The following MRPS31 variants were observed in gnomAD, a reference collection of about 807,000 sequenced individuals.
The protein encoded by MRPS31 is small ribosomal subunit protein mS31.
A neutral mutation model predicts 43.1 loss-of-function variants in MRPS31; 32 were observed. That is an observed-to-expected ratio of 0.74 (90% CI 0.56 to 1.00). MRPS31 has a LOEUF of 1.00. Among genes scored for constraint, MRPS31 ranks in the 50% least tolerant of loss-of-function variants. The pLI is 0.00. For missense variants in MRPS31, 437 were observed against 466.7 expected, an observed-to-expected ratio of 0.94 and a Z score of 0.59; for synonymous variants, 165 against 161.6, an observed-to-expected ratio of 1.02 and a Z score of -0.16.
chr13:40,752,628 CT>C (rs1347785736), intron 5 of MRPS31, among the ~76,000 whole-genome samples: 1 of 152,082 alleles, frequency 6.6e-6, no homozygotes, highest in African/African-American at 2.4e-5. Context: ...GATATAGCCC[CT>C]AATAGTCTAT....
intron 6 of MRPS31, among the ~76,000 whole-genome samples, chr13:40,745,561 T>G (rs891034748): frequency 4.6e-5 from 7 of 152,210 alleles, no homozygotes; most frequent in African/African-American, 1.7e-4. Flanking sequence ...CAAGAATTTT[T>G]AATATGTATT....
chr13:40,763,197 AC>A (rs1880750728), intron 2 of MRPS31, among the ~76,000 whole-genome samples: 1 of 152,168 alleles, frequency 6.6e-6, no homozygotes, highest in Non-Finnish European at 1.5e-5. Context: ...ACTACAGGTG[AC>A]ACCTGGCCCA....
intron 6 of MRPS31, among the ~76,000 whole-genome samples, chr13:40,735,308 C>G (rs896115581): frequency 1.3e-5 from 2 of 152,216 alleles, no homozygotes; most frequent in Admixed American, 1.3e-4. Context: ...TGATTGCTAG[C>G]ACAGCAGTCT....
intron 6 of MRPS31, among the ~76,000 whole-genome samples, chr13:40,746,047 G>C (rs575179647): frequency 6.6e-6 from 1 of 152,176 alleles, no homozygotes; most frequent in African/African-American, 2.4e-5. Context: ...GCATTAAGTG[G>C]CAAAACAACA....
chr13:40,730,472 C>A (rs866216974), intron 6 of MRPS31, among the ~76,000 whole-genome samples: 163 of 152,248 alleles, frequency 1.1e-3, no homozygotes, highest in South Asian at 1.2e-3. Flanking sequence ...TTGTAGGGAG[C>A]CAAGATCAAG....
intron 6 of MRPS31, among the ~76,000 whole-genome samples, chr13:40,736,202 G>A (rs1879899833): frequency 6.6e-6 from 1 of 152,178 alleles, no homozygotes; most frequent in East Asian, 1.9e-4. Flanking sequence ...TGAAATGAAT[G>A]AAATGAAGCA....
chr13:40,763,822 C>T (rs1461271920), intron 2 of MRPS31, among the ~76,000 whole-genome samples: 1 of 152,150 alleles, frequency 6.6e-6, no homozygotes, highest in Admixed American at 6.6e-5. Flanking sequence ...CTTTCACTTC[C>T]ATCTCTCAAG....
intron 6 of MRPS31, among the ~76,000 whole-genome samples, chr13:40,740,120 G>A (rs1880039546): frequency 6.7e-6 from 1 of 150,146 alleles, no homozygotes; most frequent in Non-Finnish European, 1.5e-5. Context: ...CAAAAAGTGG[G>A]CGAAGGACAT....
chr13:40,758,188 T>A (rs1180430225), intron 3 of MRPS31, among the ~76,000 whole-genome samples: 1 of 151,440 alleles, frequency 6.6e-6, no homozygotes, highest in Non-Finnish European at 1.5e-5. Flanking sequence ...GCATCCAAAG[T>A]AGCTAGACTT....
intron 2 of MRPS31, among the ~76,000 whole-genome samples, chr13:40,762,014 G>A (rs958229925): frequency 6.6e-6 from 1 of 152,010 alleles, no homozygotes; most frequent in African/African-American, 2.4e-5. Context: ...GGCCAAGGTG[G>A]GCAGATTACT....
At chr13:40,734,518 AAC>A (rs1879816507) in intron 6 of MRPS31, among the ~76,000 whole-genome samples, 1 of 152,230 alleles carries the variant, frequency 6.6e-6, no homozygotes. Flanking sequence ...CTCAAGGAAA[AAC>A]AAAGCAAATA....
At chr13:40,734,912 C>G (rs774156208) in intron 6 of MRPS31, among the ~76,000 whole-genome samples, 15 of 152,198 alleles carry the variant, frequency 9.9e-5, no homozygotes, top group Non-Finnish European at 2.1e-4. Context: ...CCCCAAATAA[C>G]GCTAGGCGGG....
chr13:40,766,800 A>G lies in MRPS31; in HGVS notation c.386T>C (p.Leu129Ser). 6.2e-7 allele frequency: 1 copy of G among 1,613,748 alleles called. No individual in the cohort carries two copies. Among genetic ancestry groups the G allele is most frequent in the East Asian group, 2.2e-5 (1 of 44,872 alleles). ...KPPKRRPLKS[L>S]EATLGRLRRA... Reference sequence around the variant, plus strand: ...TCGAAGCCTGCCAAGTGTAGCTTCCAAACTTTTAAGTGGTCTTCTTTTGGG... The same window carrying G: ...TCGAAGCCTGCCAAGTGTAGCTTCCGAACTTTTAAGTGGTCTTCTTTTGGG... The change falls in exon 2 of 7, where the codon TTG (leucine) becomes TCG (serine). Residue 129 changes from leucine to serine, a missense_variant. Transcript: ENST00000323563.
At chr13:40,740,945 AT>A (rs1555258435) in intron 6 of MRPS31, among the ~76,000 whole-genome samples, 3 of 126,926 alleles carry the variant, frequency 2.4e-5, no homozygotes, top group African/African-American at 9.9e-5. Flanking sequence ...ATAAAAAAAA[AT>A]TAAAAAAAAA....
chr13:40,735,864 A>G (rs1390542210), intron 6 of MRPS31, among the ~76,000 whole-genome samples: 56 of 150,608 alleles, frequency 3.7e-4, no homozygotes, highest in African/African-American at 1.3e-3. Context: ...AACTCTAAAA[A>G]GCAGAGCGCC....
intron 6 of MRPS31, among the ~76,000 whole-genome samples, chr13:40,744,004 G>T (rs531606013): frequency 6.6e-6 from 1 of 152,286 alleles, no homozygotes; most frequent in Admixed American, 6.5e-5. Flanking sequence ...TACACACCAT[G>T]GGATACTATG....
chr13:40,771,092 G>C lies in MRPS31; in HGVS notation c.45C>G (p.Ser15=), dbSNP rs147648247. Residue 15 remains serine (S), a synonymous_variant, in exon 1 of 7, where the codon TCC becomes TCG. Coordinates refer to ENST00000323563, the MANE Select transcript of MRPS31 (RefSeq NM_005830.4). ...VSTFLPLRPL[S]RHPLSSGSPE... ...GGCTTCCAGAGGACAAAGGGTGGCG[G>C]GAAAGGGGGCGAAGAGGTAGGAACG... 8.1e-6 allele frequency: 13 copies of C among 1,613,942 alleles called. No individual in the cohort carries two copies. The highest frequency in any genetic ancestry group is 1.1e-5 in the Non-Finnish European group (13 of 1,179,904).
At chr13:40,766,448 C>A (rs1880849344) in intron 2 of MRPS31, among the ~76,000 whole-genome samples, 1 of 152,152 alleles carries the variant, frequency 6.6e-6, no homozygotes, top group Non-Finnish European at 1.5e-5. Flanking sequence ...CACGCACCAC[C>A]ATGCCCAGCT....
intron 6 of MRPS31, among the ~76,000 whole-genome samples, chr13:40,739,899 A>T (rs1299456645): frequency 5.9e-5 from 9 of 152,050 alleles, no homozygotes; most frequent in Non-Finnish European, 1.2e-4. Context: ...CATGACTAAA[A>T]CACCAAAAGC....
Sources: gnomAD v4.1 joint callset for allele counts (sites outside exome capture counted in the v4.1 genomes callset) on GRCh38, gnomAD v4.1.1 for gene constraint, MANE v1.5 for transcripts, NCBI Gene and HGNC (gene_info 2026-07-23, HGNC 2026-07-21) for gene names.